The following NT5DC2 variants were observed in gnomAD, a reference collection of about 807,000 sequenced individuals.
The protein encoded by NT5DC2 is 5'-nucleotidase domain containing 2.
NT5DC2 carries 41 observed loss-of-function variants against 70.0 expected under a neutral mutation model. The observed-to-expected ratio is 0.59, with a 90% confidence interval of 0.46 to 0.76. The LOEUF is 0.76. Ranked by LOEUF, NT5DC2 falls within the 30% of genes least tolerant of loss-of-function variation. The pLI is 0.00. For missense variants in NT5DC2, 705 were observed against 783.2 expected (o/e 0.90, Z 1.19); for synonymous variants, 299 against 310.4 (o/e 0.96, Z 0.39).
Position 52,529,336 on chromosome 3 carries a change from T to C in NT5DC2, c.233-2A>G, listed in dbSNP as rs2079328738. The C allele has an allele frequency of 6.2e-7, 1 of 1,612,882 alleles. No homozygotes were observed. Among genetic ancestry groups the C allele is most frequent in the African/African-American group, 1.3e-5 (1 of 74,828 alleles). ...TGCAGACCTCGGGGGGCAGGAGGTC[T>C]AGAGGAAGGAGATGCAGGGAGGCAG... On this transcript the variant is annotated splice_acceptor_variant, in intron 1 of 13. Coordinates refer to ENST00000422318, the MANE Select transcript of NT5DC2 (RefSeq NM_001134231.2). LOFTEE classifies it high-confidence loss of function. This position sits in a 1 kb window ranked among gnomAD's most constrained non-coding sequence, Gnocchi z 4.1.
At chr3:52,532,555 C>A in intron 1 of NT5DC2, 2 of 967,904 alleles carry the variant, frequency 2.1e-6, no homozygotes, top group African/African-American at 1.8e-5. Context: ...CCAGACAGGG[C>A]TACTTTGTTT....
At chr3:52,532,466 G>A in intron 1 of NT5DC2, 1 of 985,382 alleles carries the variant, frequency 1.0e-6, no homozygotes, top group Non-Finnish European at 1.2e-6. Flanking sequence ...TTACCATCCT[G>A]CCTTTACTGG....
intron 8 of NT5DC2, 37 bp from the exon 9 acceptor site, chr3:52,527,755 G>C (rs200039741): frequency 3.7e-5 from 60 of 1,612,006 alleles, no homozygotes; most frequent in Non-Finnish European, 4.7e-5. Flanking sequence ...GTAGTCTGAG[G>C]GCGGCTCCGT....
At chr3:52,528,099 G>A (rs749748227) in intron 6 of NT5DC2, 26 bp from the exon 7 acceptor site, 1 of 1,612,748 alleles carries the variant, frequency 6.2e-7, no homozygotes, top group Non-Finnish European at 8.5e-7. Context: ...GACAATGAGG[G>A]TACAGCAGGG....
In NT5DC2 at chr3:52,529,047, G is replaced by C; in HGVS notation, c.417+103C>G. On this transcript the variant is annotated intron_variant, in intron 2 of 13. Coordinates refer to ENST00000422318, the MANE Select transcript of NT5DC2 (RefSeq NM_001134231.2). The surrounding 1 kb of genome is among the most constrained non-coding windows in gnomAD (Gnocchi z 4.1). ...CCTGCCCAGGGCAGCTGCCAGGCAA[G>C]AGGGCCAGGGGAGCCCCACGACTCA... 6.3e-7 allele frequency: 1 copy of C among 1,587,082 alleles called. No individual in the cohort carries two copies. The highest frequency in any genetic ancestry group is 2.2e-5 in the East Asian group (1 of 44,652).
rs2079316968 is a variant in NT5DC2 at position 52,528,665 on chromosome 3, G to A, written c.520C>T (p.His174Tyr). 6.3e-7 allele frequency: 1 copy of A among 1,592,188 alleles called. No individual in the cohort carries two copies. The highest frequency in any genetic ancestry group is 8.5e-7 in the Non-Finnish European group (1 of 1,169,792). Residue 174 changes from histidine to tyrosine, a missense_variant, in exon 4 of 14, where the codon CAC becomes TAC. Physicochemically the swap from His to Tyr is moderately conservative, Grantham distance 83 (BLOSUM62 2). Coordinates refer to ENST00000422318, the MANE Select transcript of NT5DC2 (RefSeq NM_001134231.2). ...KSLLMKIDAF[H>Y]YVQLGTAYRG... ...TAGGCTGTCCCCAGCTGCACGTAGT[G>A]GAAGGCGTCAATCTTCATCAGAAGG...
At position 52,527,875 on chromosome 3, in the gene NT5DC2, G is replaced by A. The variant is rs936482032; in HGVS notation, c.889C>T (p.His297Tyr). 4 of 1,613,460 alleles carry A rather than the reference G, an allele frequency of 2.5e-6. No individual in the cohort carries two copies. In the Admixed American group the frequency reaches 5.0e-5, roughly 20 times the overall value. ...TFAVLSRLVA[H>Y]GKQLFLITNS... ...GTGATGAGGAACAGCTGTTTCCCAT[G>A]GGCCACCAGGCGGCTCAGGACAGCA... The change falls in exon 8 of 14, where the codon CAT (histidine) becomes TAT (tyrosine). Residue 297 changes from histidine to tyrosine, a missense_variant. Physicochemically the swap from His to Tyr is moderately conservative, Grantham distance 83 (BLOSUM62 2). Coordinates refer to ENST00000422318, the MANE Select transcript of NT5DC2 (RefSeq NM_001134231.2).
chr3:52,530,904 G>A (rs2079350669), intron 1 of NT5DC2, among the ~76,000 whole-genome samples: 1 of 152,140 alleles, frequency 6.6e-6, no homozygotes, highest in Non-Finnish European at 1.5e-5. Flanking sequence ...GAGCAGGCAG[G>A]ACTAGATGTA....
In NT5DC2 at chr3:52,531,868, C is replaced by G. The variant is rs973433110; in HGVS notation, c.232+1638G>C. Among the ~76,000 whole-genome samples the G allele has an allele frequency of 1.3e-5, 2 of 152,220 alleles. No individual in the cohort carries two copies. Among genetic ancestry groups the G allele is most frequent in the African/African-American group, 4.8e-5 (2 of 41,450 alleles). On this transcript the variant is annotated intron_variant, in intron 1 of 13. Transcript: ENST00000422318. This position sits in a 1 kb window ranked among gnomAD's most constrained non-coding sequence, Gnocchi z 4.1. ...CAATCCTCACTCCCATCCTGTGAGG[C>G]AGTCCCACTTATTCCCCCATCGTCC...
chr3:52,533,304 CGCCCCCGGGCGTCGGGGCGCCCCAGAG>C (rs1001219838), intron 1 of NT5DC2, among the ~76,000 whole-genome samples, 175 bp downstream of exon 1: 7 of 152,080 alleles, frequency 4.6e-5, no homozygotes, highest in Admixed American at 2.0e-4. Flanking sequence ...ACCTCCCGCC[CGCCCCCGGGCGTCGGGGCGCCCCAGAG>C]GCCCCCGGGA....
intron 5 of NT5DC2, 37 bp downstream of exon 5, chr3:52,528,409 G>A: frequency 6.2e-7 from 1 of 1,613,138 alleles, no homozygotes; most frequent in Non-Finnish European, 8.5e-7. Flanking sequence ...ATGGGCACAT[G>A]TCCATGGGGC....
chr3:52,528,476 T>C lies in NT5DC2; in HGVS notation c.612A>G (p.Pro204=), dbSNP rs1284711661. 6 of 1,613,338 alleles carry C rather than the reference T, an allele frequency of 3.7e-6. No individual in the cohort carries two copies. The East Asian group carries it at 6.7e-5, about 18-fold the overall frequency. The change falls in exon 5 of 14, where the codon CCA becomes CCG. Residue 204 remains proline (P), a synonymous_variant. Transcript: ENST00000422318. ...IELYGGTQHI[P]LYQMSGFYGK... ...CATAGAAGCCACTCATCTGGTATAGTGGGATGTGCTGGGTACCCCCATACA... is the reference window on the plus strand; with the variant it reads ...CATAGAAGCCACTCATCTGGTATAGCGGGATGTGCTGGGTACCCCCATACA...
intron 1 of NT5DC2, 91 bp downstream of exon 1, chr3:52,533,414 GT>G (rs1237680626): frequency 7.5e-7 from 1 of 1,337,246 alleles, no homozygotes; most frequent in Admixed American, 2.5e-5. Context: ...CCCACTGGGT[GT>G]TTCCCCGGAG....
chr3:52,528,722 G>A (rs1429574907), intron 3 of NT5DC2, 30 bp from the exon 4 acceptor site: 3 of 1,608,360 alleles, frequency 1.9e-6, no homozygotes, highest in African/African-American at 1.3e-5. Context: ...AGGACGGATG[G>A]TGAGGAGGCA....
Position 52,525,097 on chromosome 3 carries a change from T to A in NT5DC2, c.1213A>T (p.Met405Leu), listed in dbSNP as rs780544534. 1.6e-5 allele frequency: 24 copies of A among 1,477,808 alleles called. No individual in the cohort carries two copies. Among genetic ancestry groups the A allele is most frequent in the African/African-American group, 1.4e-4 (9 of 65,008 alleles). 91.5% of individuals were successfully genotyped at this position (1,477,808 alleles called of 1,614,324 possible). ...DHLYSDLADLMLRHGWRTGAI... is the reference protein window; with the variant it reads ...DHLYSDLADLLLRHGWRTGAI... ...CCTGTGCGCCAGCCGTGCCGCAGCA[T>A]GAGATCCTGGTGGGTGGGGCGGCAG... Residue 405 changes from methionine to leucine, a missense_variant, in exon 12 of 14, where the codon ATG (methionine) becomes TTG (leucine). Transcript: ENST00000422318.
At chr3:52,533,900 T>C (rs1575394027), upstream of NT5DC2, 3 of 900,338 alleles carry the variant, frequency 3.3e-6, no homozygotes, top group Non-Finnish European at 4.0e-6. Flanking sequence ...GGCGCGCCCC[T>C]CGGCCCGGGG....
At chr3:52,528,716 C>G (rs185649364) in intron 3 of NT5DC2, 24 bp from the exon 4 acceptor site, 2 of 1,606,622 alleles carry the variant, frequency 1.2e-6, no homozygotes, top group Admixed American at 3.4e-5. Context: ...GGAGGCAGGA[C>G]GGATGGTGAG....
chr3:52,527,488 G>A (rs908854273), intron 9 of NT5DC2, 113 bp from the exon 10 acceptor site: 90 of 1,447,106 alleles, frequency 6.2e-5, no homozygotes, highest in Non-Finnish European at 7.1e-5. Context: ...ATGCCAGCAA[G>A]GGGGTGTTCT....
rs982361356 is a variant in NT5DC2 at position 52,525,371 on chromosome 3, G to A, written c.1120-76C>T. 3.4e-5 allele frequency: 41 copies of A among 1,195,286 alleles called. No homozygotes were observed. The Admixed American group carries it at 7.4e-4, about 21-fold the overall frequency. The allele number at this position is 1,195,286 out of a possible 1,614,324, so 74.0% of individuals were successfully genotyped here. A position where few individuals can be genotyped will look rare whatever the true frequency, so the allele number is the denominator to read the frequency against. On this transcript the variant is annotated intron_variant, in intron 10 of 13. Transcript: ENST00000422318. Reference sequence around the variant, plus strand: ...CAGTCCTCCCTCCCGAATCCCCAGAGGCAGCCCAAATCCAGCCGGATGCTG... The same window carrying A: ...CAGTCCTCCCTCCCGAATCCCCAGAAGCAGCCCAAATCCAGCCGGATGCTG...
Sources: gnomAD v4.1 joint callset for allele counts (sites outside exome capture counted in the v4.1 genomes callset) on GRCh38, gnomAD v4.1.1 for gene constraint, Gnocchi (gnomAD v3.1) non-coding constraint, MANE v1.5 for transcripts, NCBI Gene and HGNC (gene_info 2026-07-23, HGNC 2026-07-21) for gene names.